The following KCNAB1 variants were observed in gnomAD, a reference collection of about 807,000 sequenced individuals.
The protein encoded by KCNAB1 is potassium voltage-gated channel subfamily A regulatory beta subunit 1, also known as voltage-gated potassium channel subunit beta-1.
In KCNAB1, 35 loss-of-function variants were observed where a neutral mutation model predicts 64.6. The observed-to-expected ratio is 0.54, with a 90% confidence interval of 0.41 to 0.72. The LOEUF (loss-of-function observed/expected upper bound fraction) is 0.72. KCNAB1 is among the 30% of genes least tolerant of loss of function. The probability of loss-of-function intolerance (pLI) is 0.00; values close to 1 mark genes in which losing one functional copy is unlikely to be tolerated. For missense variants in KCNAB1, 401 were observed against 512.9 expected (o/e 0.78, Z 2.11); for synonymous variants, 177 against 183.8 (o/e 0.96, Z 0.30).
chr3:156,291,021 C>CG (rs1170164629), intron 1 of KCNAB1: 12 of 985,710 alleles, frequency 1.2e-5, no homozygotes, highest in Admixed American at 6.1e-5. Flanking sequence ...TAAGCACCCC[C>CG]TCTCTGCCTT....
chr3:156,481,568 A>G (rs972236896), intron 8 of KCNAB1, among the ~76,000 whole-genome samples: 1 of 152,130 alleles, frequency 6.6e-6, no homozygotes, highest in African/African-American at 2.4e-5. Flanking sequence ...TCATAAAAAG[A>G]CAAATTTATT....
intron 1 of KCNAB1, among the ~76,000 whole-genome samples, chr3:156,234,340 TAAG>T (rs1234398472): frequency 4.6e-5 from 7 of 151,874 alleles, no homozygotes; most frequent in Admixed American, 3.9e-4. Context: ...CTTGATACTG[TAAG>T]AAGGAGAAGA....
chr3:156,245,268 T>C (rs1170169183), intron 1 of KCNAB1, among the ~76,000 whole-genome samples: 1 of 152,224 alleles, frequency 6.6e-6, no homozygotes, highest in Non-Finnish European at 1.5e-5. Flanking sequence ...TCCATTCTTT[T>C]TCTTCCTATT....
chr3:156,465,776 A>AG lies in KCNAB1; in HGVS notation c.571+92dup. On this transcript the variant is annotated intron_variant, in intron 7 of 13. Transcript: ENST00000490337. ...AAACAAATTCAGAACACACTGGAAG[A>AG]GGAAAAAGTTCTATATGAAAAGTGC... 3.8e-6 allele frequency: 4 copies of AG among 1,062,242 alleles called. No individual in the cohort carries two copies. In the South Asian group the frequency reaches 5.2e-5, roughly 14 times the overall value. 65.8% of individuals were successfully genotyped at this position (1,062,242 alleles called of 1,614,324 possible). A position where few individuals can be genotyped will look rare whatever the true frequency, so the allele number is the denominator to read the frequency against.
chr3:156,323,785 C>A (rs922497640), intron 1 of KCNAB1, among the ~76,000 whole-genome samples: 5 of 152,146 alleles, frequency 3.3e-5, no homozygotes, highest in African/African-American at 1.2e-4. Context: ...ATCTTTCCAT[C>A]TTTTATACTA....
At chr3:156,210,579 G>C (rs1303985857) in intron 1 of KCNAB1, among the ~76,000 whole-genome samples, 1 of 152,202 alleles carries the variant, frequency 6.6e-6, no homozygotes, top group African/African-American at 2.4e-5. Flanking sequence ...ACCATGATGT[G>C]CCTGACACCA....
intron 1 of KCNAB1, among the ~76,000 whole-genome samples, chr3:156,225,855 G>C (rs9838002): frequency 0.55 from 84,283 of 151,932 alleles, 24,265 homozygotes; most frequent in East Asian, 0.9. Flanking sequence ...AAAATACATA[G>C]GAATATACCT....
intron 1 of KCNAB1, among the ~76,000 whole-genome samples, chr3:156,226,818 CCT>C (rs957165162): frequency 2.0e-5 from 3 of 152,204 alleles, no homozygotes; most frequent in Non-Finnish European, 4.4e-5. Context: ...CAGCACTCCT[CCT>C]CTCTCTTATG....
chr3:156,399,163 C>T (rs1713707660), intron 1 of KCNAB1, among the ~76,000 whole-genome samples: 1 of 152,216 alleles, frequency 6.6e-6, no homozygotes, highest in Non-Finnish European at 1.5e-5. Context: ...ATTTTCCCCT[C>T]ATCCTAATAA....
Position 156,352,503 on chromosome 3 carries a change from G to A in KCNAB1, c.276-69113G>A, listed in dbSNP as rs116358430. ...CTCACAGAGCTCACACAGTTGAAAA[G>A]GACTTTGGAGCTCATCCACTCCCAA... On this transcript the variant is annotated intron_variant, in intron 1 of 13. Transcript: ENST00000490337. 5.5e-3 allele frequency among the ~76,000 whole-genome samples: 839 copies of A among 152,296 alleles called. 7 individuals carry two copies. Among genetic ancestry groups the A allele is most frequent in the African/African-American group, 0.019 (805 of 41,570 alleles).
intron 1 of KCNAB1, among the ~76,000 whole-genome samples, chr3:156,256,288 A>T (rs1163459847): frequency 6.6e-6 from 1 of 152,214 alleles, no homozygotes; most frequent in East Asian, 1.9e-4. Context: ...ACTTCTTTTC[A>T]AACACAATGT....
At chr3:156,439,866 C>T (rs1438578420) in intron 2 of KCNAB1, among the ~76,000 whole-genome samples, 1 of 152,234 alleles carries the variant, frequency 6.6e-6, no homozygotes, top group African/African-American at 2.4e-5. Flanking sequence ...GCTGACCTCC[C>T]AGCCACCCTC....
chr3:156,436,849 T>A (rs1716617922), intron 2 of KCNAB1, among the ~76,000 whole-genome samples: 1 of 152,210 alleles, frequency 6.6e-6, no homozygotes, highest in Non-Finnish European at 1.5e-5. Context: ...TTGCAAAAAT[T>A]TTCTCCTGTT....
rs573914520 is a variant in KCNAB1, at chr3:156,327,432, G to A, written c.276-94184G>A. Among the ~76,000 whole-genome samples the A allele has an allele frequency of 2.7e-3, 415 of 152,120 alleles. 4 individuals are homozygous for A. Among genetic ancestry groups the A allele is most frequent in the South Asian group, 0.016 (76 of 4,820 alleles). ...TATTAATTTCTATATGCTAATATTA[G>A]CATCATACTTTGAGAAATATGATTT... On this transcript the variant is annotated intron_variant, in intron 1 of 13. Transcript: ENST00000490337.
intron 1 of KCNAB1, chr3:156,176,996 C>T (rs749309320): frequency 1.4e-5 from 9 of 630,528 alleles, no homozygotes; most frequent in Non-Finnish European, 2.5e-5. Context: ...TCTCCCATCC[C>T]TCAGTGCATA....
At chr3:156,200,821 G>A (rs912513299) in intron 1 of KCNAB1, among the ~76,000 whole-genome samples, 3 of 152,186 alleles carry the variant, frequency 2.0e-5, no homozygotes, top group African/African-American at 7.2e-5. Flanking sequence ...GGAGTGAATG[G>A]TTCTGTTTTG....
intron 1 of KCNAB1, among the ~76,000 whole-genome samples, chr3:156,342,685 T>C (rs1724224503): frequency 6.7e-6 from 1 of 150,370 alleles, no homozygotes; most frequent in Admixed American, 6.7e-5. Flanking sequence ...TATGTATACA[T>C]GTGCCATGCT....
At chr3:156,320,732 G>T (rs1722598774) in intron 1 of KCNAB1, among the ~76,000 whole-genome samples, 1 of 152,100 alleles carries the variant, frequency 6.6e-6, no homozygotes, top group Non-Finnish European at 1.5e-5. Flanking sequence ...CCTCCACAAG[G>T]CCTGTCCAGT....
At chr3:156,224,238 C>A (rs1715997221) in intron 1 of KCNAB1, among the ~76,000 whole-genome samples, 1 of 152,220 alleles carries the variant, frequency 6.6e-6, no homozygotes, top group Admixed American at 6.5e-5. Flanking sequence ...CCACTGAGCC[C>A]ACGCCCACCC....
Sources: gnomAD v4.1 joint callset for allele counts (sites outside exome capture counted in the v4.1 genomes callset) on GRCh38, gnomAD v4.1.1 for gene constraint, MANE v1.5 for transcripts, NCBI Gene and HGNC (gene_info 2026-07-23, HGNC 2026-07-21) for gene names.